PIP5K1B: variants seen among roughly 807,000 people sequenced by gnomAD.
PIP5K1B encodes phosphatidylinositol 4-phosphate 5-kinase type-1 beta.
In PIP5K1B, 42 loss-of-function variants were observed where a neutral mutation model predicts 67.0. That is an observed-to-expected ratio of 0.63 (90% CI 0.49 to 0.81). PIP5K1B has a LOEUF of 0.81. PIP5K1B is among the 30% of genes least tolerant of loss of function. The pLI is 0.00. For synonymous variants in PIP5K1B, 214 were observed against 231.4 expected (o/e 0.92, Z 0.68); for missense variants, 459 against 646.3 (o/e 0.71, Z 3.14).
chr9:68,849,657 C>T (rs765653519), intron 4 of PIP5K1B, among the ~76,000 whole-genome samples: 1 of 152,242 alleles, frequency 6.6e-6, no homozygotes, highest in Non-Finnish European at 1.5e-5. Context: ...TGCGCCACCA[C>T]GCCCAGCCTC....
chr9:68,962,152 G>T (rs1564274086), intron 14 of PIP5K1B, among the ~76,000 whole-genome samples: 1 of 151,958 alleles, frequency 6.6e-6, no homozygotes, highest in Non-Finnish European at 1.5e-5. Flanking sequence ...ATTATTCAAG[G>T]TCATTACAGT....
chr9:68,722,527 T>G (rs963201455), intron 1 of PIP5K1B, among the ~76,000 whole-genome samples: 3 of 152,082 alleles, frequency 2.0e-5, no homozygotes, highest in African/African-American at 7.2e-5. Flanking sequence ...TAACAGCTCT[T>G]TCTATACTCT....
chr9:68,866,679 C>T (rs1272525575), intron 5 of PIP5K1B, among the ~76,000 whole-genome samples: 1 of 151,974 alleles, frequency 6.6e-6, no homozygotes, highest in Non-Finnish European at 1.5e-5. Context: ...AGGTACTAGA[C>T]CAAAAAATGA....
At chr9:68,974,118 T>C (rs1453888613) in intron 14 of PIP5K1B, among the ~76,000 whole-genome samples, 1 of 152,060 alleles carries the variant, frequency 6.6e-6, no homozygotes, top group African/African-American at 2.4e-5. Context: ...AATCCTCCCA[T>C]CTCGGCCTCC....
chr9:68,962,870 C>T (rs1375098072), intron 14 of PIP5K1B, among the ~76,000 whole-genome samples: 2 of 152,122 alleles, frequency 1.3e-5, no homozygotes, highest in African/African-American at 4.8e-5. Context: ...AAATTGTCTC[C>T]TTCTCTAATG....
chr9:68,973,853 C>T (rs899597081), intron 14 of PIP5K1B, among the ~76,000 whole-genome samples: 1 of 152,120 alleles, frequency 6.6e-6, no homozygotes, highest in African/African-American at 2.4e-5. Context: ...TCAGCAGTGC[C>T]CTTTGACCCA....
Position 68,919,562 on chromosome 9 carries a change from G to A in PIP5K1B, c.1067G>A (p.Arg356Lys). The part of the protein sequence containing the change: ...MGIIDILQSY[R>K]LMKKLEHSWK... ...ATTATTGACATTCTGCAATCATATA[G>A]GTAAGAAGTTTGAGGAGTGGTCTTT... The change falls in exon 10 of 16, where the codon AGG (arginine) becomes AAG (lysine). Residue 356 changes from arginine (R) to lysine (K), a missense_variant and splice_region_variant. Physicochemically the swap from Arg to Lys is conservative, Grantham distance 26. This residue lies in a region of PIP5K1B where 290 missense variants were observed against 474.4 expected (regional missense o/e 0.61). Coordinates refer to ENST00000265382, the MANE Select transcript of PIP5K1B (RefSeq NM_003558.4). 1 of 1,560,972 alleles carries A rather than the reference G, an allele frequency of 6.4e-7. No homozygotes were observed. The highest frequency in any genetic ancestry group is 8.8e-7 in the Non-Finnish European group (1 of 1,136,642).
chr9:68,866,098 T>G (rs1823340922), intron 5 of PIP5K1B, among the ~76,000 whole-genome samples: 1 of 152,152 alleles, frequency 6.6e-6, no homozygotes, highest in South Asian at 2.1e-4. Flanking sequence ...CTTTCCCTTA[T>G]TTAGAGGCAT....
chr9:68,993,211 T>A (rs1830458794), intron 15 of PIP5K1B, among the ~76,000 whole-genome samples: 1 of 151,702 alleles, frequency 6.6e-6, no homozygotes, highest in African/African-American at 2.4e-5. Context: ...CTCCCCTGCA[T>A]CTCCGACCTG....
At chr9:68,929,621 C>T (rs574542662) in intron 12 of PIP5K1B, among the ~76,000 whole-genome samples, 91 of 152,202 alleles carry the variant, frequency 6.0e-4, no homozygotes, top group African/African-American at 2.0e-3. Context: ...AAGTAATCAA[C>T]AATCATTGCT....
At chr9:68,977,654 T>G (rs1829692640) in intron 14 of PIP5K1B, among the ~76,000 whole-genome samples, 1 of 151,226 alleles carries the variant, frequency 6.6e-6, no homozygotes, top group Non-Finnish European at 1.5e-5. Context: ...ATTATTGGCT[T>G]CTTTTTTTTT....
intron 2 of PIP5K1B, among the ~76,000 whole-genome samples, chr9:68,764,585 A>T (rs1169703626): frequency 6.6e-6 from 1 of 152,118 alleles, no homozygotes; most frequent in Non-Finnish European, 1.5e-5. Flanking sequence ...TAGGGATATA[A>T]ACATTTATTT....
At chr9:68,743,819 CT>C (rs1381946385) in intron 2 of PIP5K1B, among the ~76,000 whole-genome samples, 1 of 152,198 alleles carries the variant, frequency 6.6e-6, no homozygotes, top group African/African-American at 2.4e-5. Flanking sequence ...AAAGAGGCCC[CT>C]GTCCTTCTAT....
At chr9:68,779,750 C>G (rs535243074) in intron 2 of PIP5K1B, among the ~76,000 whole-genome samples, 3 of 152,312 alleles carry the variant, frequency 2.0e-5, no homozygotes, top group East Asian at 3.9e-4. Flanking sequence ...GTTCCTTCCT[C>G]GAGGAAGCCC....
At chr9:68,961,236 G>T (rs575652972) in intron 14 of PIP5K1B, among the ~76,000 whole-genome samples, 6 of 139,132 alleles carry the variant, frequency 4.3e-5, no homozygotes, top group East Asian at 2.2e-4. Flanking sequence ...AAAAAAAAGC[G>T]TGTCACCACA....
At chr9:68,864,749 AG>A (rs1320697481) in intron 5 of PIP5K1B, among the ~76,000 whole-genome samples, 1 of 150,064 alleles carries the variant, frequency 6.7e-6, no homozygotes, top group Non-Finnish European at 1.5e-5. Context: ...CACAAGTGAC[AG>A]GATTTTTCAA....
chr9:68,957,085 A>G (rs894267543), intron 14 of PIP5K1B, among the ~76,000 whole-genome samples: 2 of 152,188 alleles, frequency 1.3e-5, no homozygotes, highest in Admixed American at 1.3e-4. Context: ...ACTCTTATGT[A>G]TCCAGGTTCT....
chr9:68,812,272 TCA>T (rs1327655480), intron 2 of PIP5K1B, among the ~76,000 whole-genome samples: 1 of 152,238 alleles, frequency 6.6e-6, no homozygotes, highest in African/African-American at 2.4e-5. Context: ...TGGCAGCATT[TCA>T]CACATCGTAG....
At chr9:68,964,163 T>A in intron 14 of PIP5K1B, 1 of 152,254 alleles carries the variant, frequency 6.6e-6, no homozygotes, top group East Asian at 1.9e-4. Context: ...TGCTGTTGTA[T>A]CCAGGCATGT....
Sources: gnomAD v4.1 joint callset for allele counts (sites outside exome capture counted in the v4.1 genomes callset) on GRCh38, gnomAD v4.1.1 for gene constraint, gnomAD v4.1.1 regional missense constraint, MANE v1.5 for transcripts, NCBI Gene and HGNC (gene_info 2026-07-23, HGNC 2026-07-21) for gene names.